SEMA5B: variants seen among roughly 807,000 people sequenced by gnomAD.
SEMA5B encodes the protein semaphorin-5B.
Under a neutral mutation model 135.0 loss-of-function variants are expected in SEMA5B, and 66 were observed. The observed-to-expected ratio is 0.49, with a 90% CI of 0.40 to 0.60. SEMA5B has a LOEUF of 0.60. SEMA5B is among the 20% of genes least tolerant of loss of function. The pLI is 0.00. For synonymous variants in SEMA5B, 690 were observed against 639.5 expected, an observed-to-expected ratio of 1.08 and a Z score of -1.19; for missense variants, 1,501 against 1,566.3, an observed-to-expected ratio of 0.96 and a Z score of 0.70.
chr3:123,011,849 A>G (rs938293097), intron 1 of SEMA5B, among the ~76,000 whole-genome samples: 4 of 152,194 alleles, frequency 2.6e-5, no homozygotes, highest in Non-Finnish European at 4.4e-5. Context: ...TCCAGGACAC[A>G]GAATGAGCCA....
chr3:122,965,438 G>A (rs6438771), intron 1 of SEMA5B, among the ~76,000 whole-genome samples: 8,851 of 152,294 alleles, frequency 0.058, 366 homozygotes, highest in South Asian at 0.095. Context: ...ACAAGAGATA[G>A]ACTCAGTGGG....
chr3:122,988,126 G>A (rs933878511), intron 1 of SEMA5B, among the ~76,000 whole-genome samples: 1 of 152,146 alleles, frequency 6.6e-6, no homozygotes, highest in Non-Finnish European at 1.5e-5. Flanking sequence ...CCTCTGGGGT[G>A]AGACTCGAGA....
At chr3:122,940,939 G>A (rs1166061356) in intron 4 of SEMA5B, among the ~76,000 whole-genome samples, 1 of 152,226 alleles carries the variant, frequency 6.6e-6, no homozygotes, top group Non-Finnish European at 1.5e-5. Context: ...TAACAAATTA[G>A]GGGAAACATT....
chr3:122,921,868 GCCT>G lies in SEMA5B; in HGVS notation c.1688+44_1688+46del, dbSNP rs1422975291. On this transcript the variant is annotated intron_variant, in intron 12 of 22. Transcript: ENST00000357599. ...GGGTCCAAAGCCCCGCCTCTTAAGCGCCTCCTCCGCAGTGGAGGCCTCGGGAGC... is the reference window on the plus strand; with the variant it reads ...GGGTCCAAAGCCCCGCCTCTTAAGCGCCTCCGCAGTGGAGGCCTCGGGAGC... 1.6e-5 allele frequency: 24 copies of G among 1,470,640 alleles called. No individual in the cohort carries two copies. The African/African-American group carries it at 1.9e-4, about 11-fold the overall frequency. The allele number at this position is 1,470,640 out of a possible 1,614,324, so 91.1% of individuals were successfully genotyped here.
intron 1 of SEMA5B, among the ~76,000 whole-genome samples, chr3:123,002,197 T>C (rs1198869925): frequency 2.6e-5 from 4 of 152,200 alleles, no homozygotes; most frequent in African/African-American, 4.8e-5. Context: ...GGCATCATTC[T>C]TGGAGCCCTA....
Position 122,948,525 on chromosome 3 carries a change from G to C in SEMA5B, c.309C>G (p.His103Gln). ...SEQQLCALSKHPTVAFEDLQP... is the reference protein window; with the variant it reads ...SEQQLCALSKQPTVAFEDLQP... ...TCTTACCTTCAAAGGCCACGGTGGGGTGCTTGCTAAGGGCGCACAGCTGCT... is the reference window on the plus strand; with the variant it reads ...TCTTACCTTCAAAGGCCACGGTGGGCTGCTTGCTAAGGGCGCACAGCTGCT... Residue 103 changes from histidine (H) to glutamine (Q), a missense_variant, in exon 3 of 23, where the codon CAC becomes CAG. By Grantham distance (24) the His-to-Gln change is conservative (BLOSUM62 0). This residue lies in a region of SEMA5B where 574 missense variants were observed against 684.7 expected (regional missense o/e 0.84). Transcript: ENST00000357599. 1.2e-6 allele frequency: 2 copies of C among 1,605,666 alleles called. No individual in the cohort carries two copies. Among genetic ancestry groups the C allele is most frequent in the Non-Finnish European group, 1.7e-6 (2 of 1,174,084 alleles).
intron 1 of SEMA5B, among the ~76,000 whole-genome samples, chr3:122,984,755 T>TA (rs1332275340): frequency 6.6e-6 from 1 of 151,808 alleles, no homozygotes; most frequent in African/African-American, 2.4e-5. Flanking sequence ...AAGTTCTACT[T>TA]AAAAAAAAGT....
chr3:122,974,686 A>C (rs4677987), intron 1 of SEMA5B, among the ~76,000 whole-genome samples: 18,693 of 152,082 alleles, frequency 0.12, 1,283 homozygotes, highest in Middle Eastern at 0.17. Flanking sequence ...GGTCTTTAAG[A>C]GAAGCACAGT....
chr3:123,017,342 A>G (rs768604095), intron 1 of SEMA5B, among the ~76,000 whole-genome samples: 25 of 140,112 alleles, frequency 1.8e-4, no homozygotes, highest in Non-Finnish European at 2.9e-4. Flanking sequence ...TCTTACAGTT[A>G]AAAAAAAAAA....
At chr3:122,978,717 C>T (rs1318996468) in intron 1 of SEMA5B, among the ~76,000 whole-genome samples, 1 of 152,018 alleles carries the variant, frequency 6.6e-6, no homozygotes, top group African/African-American at 2.4e-5. Flanking sequence ...CAGCCAGCTT[C>T]GTGTCAGAAG....
At chr3:122,971,535 G>A (rs1433431063) in intron 1 of SEMA5B, among the ~76,000 whole-genome samples, 2 of 152,236 alleles carry the variant, frequency 1.3e-5, no homozygotes, top group Non-Finnish European at 2.9e-5. Context: ...TCCATCATGG[G>A]GCATGAAGCA....
At chr3:122,916,985 C>T (rs989947722) in intron 12 of SEMA5B, among the ~76,000 whole-genome samples, 2 of 152,158 alleles carry the variant, frequency 1.3e-5, no homozygotes, top group South Asian at 4.1e-4. Flanking sequence ...CTTTTGATGT[C>T]TTCATGTAAT....
In SEMA5B at chr3:122,948,644, G is replaced by A. The variant is rs758632166; in HGVS notation, c.190C>T (p.Pro64Ser). The A allele has an allele frequency of 1.9e-6, 3 of 1,613,758 alleles. No homozygotes were observed. Among genetic ancestry groups the A allele is most frequent in the African/African-American group, 2.7e-5 (2 of 75,014 alleles). ...GGCAGCAACAGCGAGACAGCCAGGG[G>A]GCCTGCAAGCACCATGATAGGCCCC... is the stretch of plus-strand genomic sequence containing the variant. ...AEGPIMVLAG[P>S]LAVSLLLPSL... Residue 64 changes from proline (P) to serine (S), a missense_variant, in exon 3 of 23, where the codon CCC becomes TCC. Coordinates refer to ENST00000357599, the MANE Select transcript of SEMA5B (RefSeq NM_001031702.4).
chr3:123,019,951 C>T (rs576402011), intron 1 of SEMA5B, among the ~76,000 whole-genome samples: 5 of 152,270 alleles, frequency 3.3e-5, no homozygotes, highest in South Asian at 2.1e-4. Flanking sequence ...GCAGTCAGCG[C>T]GAAGCCTCAG....
intron 9 of SEMA5B, among the ~76,000 whole-genome samples, chr3:122,924,372 A>G (rs1938518501): frequency 6.6e-6 from 1 of 151,952 alleles, no homozygotes; most frequent in Non-Finnish European, 1.5e-5. Flanking sequence ...CTTCTCCCAA[A>G]TGTGTCCATT....
chr3:122,914,423 G>A (rs749971794), intron 14 of SEMA5B, among the ~76,000 whole-genome samples: 5 of 152,158 alleles, frequency 3.3e-5, no homozygotes, highest in Non-Finnish European at 4.4e-5. Flanking sequence ...CTTTGCTCCA[G>A]CCTCAGACAC....
rs191901250 is a variant in SEMA5B, at chr3:122,953,860, G to A, written c.125-5151C>T. On this transcript the variant is annotated intron_variant, in intron 2 of 22. Coordinates refer to ENST00000357599, the MANE Select transcript of SEMA5B (RefSeq NM_001031702.4). Reference sequence around the variant, plus strand: ...CCTCCATTTATGGTCAAAGGGGTAGGCCCCAGCAGCCTCATATGTACCATG... The same window carrying A: ...CCTCCATTTATGGTCAAAGGGGTAGACCCCAGCAGCCTCATATGTACCATG... Among the ~76,000 whole-genome samples the A allele has an allele frequency of 4.6e-5, 7 of 152,230 alleles. No homozygotes were observed. The East Asian group carries it at 1.2e-3, about 25-fold the overall frequency.
chr3:122,925,306 T>C (rs916099911), intron 9 of SEMA5B, among the ~76,000 whole-genome samples: 1 of 151,830 alleles, frequency 6.6e-6, no homozygotes, highest in Non-Finnish European at 1.5e-5. Context: ...CTGGACCACA[T>C]TGGAAGAAGA....
chr3:122,979,747 G>A (rs1012912906), intron 1 of SEMA5B, among the ~76,000 whole-genome samples: 1 of 152,202 alleles, frequency 6.6e-6, no homozygotes, highest in Non-Finnish European at 1.5e-5. Flanking sequence ...GGACCGTGTT[G>A]TCTCCAGCCC....
Sources: allele counts gnomAD v4.1 joint callset (sites outside exome capture counted in the v4.1 genomes callset), GRCh38; gene constraint gnomAD v4.1.1; regional missense constraint gnomAD v4.1.1; transcripts MANE v1.5; gene names NCBI Gene and HGNC (gene_info 2026-07-23, HGNC 2026-07-21).